The following RAPH1 variants were observed in gnomAD, a reference collection of about 807,000 sequenced individuals.
The protein encoded by RAPH1 is ras-associated and pleckstrin homology domains-containing protein 1.
A neutral mutation model predicts 88.1 loss-of-function variants in RAPH1; 18 were observed. The observed-to-expected ratio is 0.20, with a 90% CI of 0.14 to 0.30. The LOEUF is 0.30. RAPH1 is among the 10% of genes least tolerant of loss of function. The probability of loss-of-function intolerance (pLI) is 1.00; values close to 1 mark genes in which losing one functional copy is unlikely to be tolerated. For missense variants in RAPH1, 1,448 were observed against 1,543.2 expected (o/e 0.94, Z 1.03); for synonymous variants, 587 against 559.0 (o/e 1.05, Z -0.71).
intron 7 of RAPH1, among the ~76,000 whole-genome samples, chr2:203,459,585 C>T (rs1306863235): frequency 6.6e-6 from 1 of 152,188 alleles, no homozygotes; most frequent in Non-Finnish European, 1.5e-5. Flanking sequence ...ACCAAATAAA[C>T]AGCTGGGTTC....
chr2:203,448,786 A>G lies in RAPH1; in HGVS notation c.1464T>C (p.Asp488=). ...CCCACTGATGCAGTGTCCTCACATCATCACAACAAAGGTATTTGATATATT... is the reference window on the plus strand; with the variant it reads ...CCCACTGATGCAGTGTCCTCACATCGTCACAACAAAGGTATTTGATATATT... The part of the protein sequence containing the change: ...KSQYIKYLCC[D]DVRTLHQWVN... Residue 488 remains aspartate (D), a synonymous_variant, in exon 11 of 14, where the codon GAT becomes GAC. Transcript: ENST00000319170. The surrounding 1 kb of genome is among the most constrained non-coding windows in gnomAD (Gnocchi z 4.1). The G allele has an allele frequency of 6.2e-7, 1 of 1,612,312 alleles. No individual in the cohort carries two copies. Among genetic ancestry groups the G allele is most frequent in the Non-Finnish European group, 8.5e-7 (1 of 1,179,358 alleles).
At chr2:203,504,225 G>A (rs555668839) in intron 1 of RAPH1, among the ~76,000 whole-genome samples, 7 of 152,334 alleles carry the variant, frequency 4.6e-5, no homozygotes, top group African/African-American at 1.7e-4. Context: ...TCCCAGGAGA[G>A]GTTCTCCATG....
chr2:203,487,700 A>G (rs968367567), intron 4 of RAPH1, among the ~76,000 whole-genome samples: 1 of 152,140 alleles, frequency 6.6e-6, no homozygotes, highest in African/African-American at 2.4e-5. Flanking sequence ...ATCAGTTTTC[A>G]AGTTCTCTAT....
chr2:203,484,962 G>T (rs1205620271), intron 4 of RAPH1, among the ~76,000 whole-genome samples: 1 of 152,194 alleles, frequency 6.6e-6, no homozygotes, highest in African/African-American at 2.4e-5. Flanking sequence ...ATAGCTCATT[G>T]TAAGGGAAAG....
intron 1 of RAPH1, among the ~76,000 whole-genome samples, chr2:203,512,925 T>C (rs928306550): frequency 6.6e-6 from 1 of 152,060 alleles, no homozygotes; most frequent in Non-Finnish European, 1.5e-5. Flanking sequence ...CGCCCGGCCA[T>C]CCCTTAACAT....
At chr2:203,520,431 C>T (rs1447818659) in intron 1 of RAPH1, among the ~76,000 whole-genome samples, 1 of 151,770 alleles carries the variant, frequency 6.6e-6, no homozygotes, top group African/African-American at 2.4e-5. Context: ...AGATCGAAAC[C>T]AGCCTGGCCA....
intron 4 of RAPH1, among the ~76,000 whole-genome samples, chr2:203,472,165 C>T (rs998750739): frequency 8.6e-5 from 13 of 150,836 alleles, no homozygotes; most frequent in Non-Finnish European, 1.9e-4. Context: ...CAGAGTCTCC[C>T]TCTCTCACCC....
chr2:203,523,393 A>G (rs1356446800), intron 1 of RAPH1, among the ~76,000 whole-genome samples: 1 of 100,344 alleles, frequency 1.0e-5, no homozygotes, highest in Admixed American at 1.1e-4. Context: ...ACTCTGTCTC[A>G]AAAAAAAAAA....
chr2:203,445,779 C>T (rs2098508942), intron 12 of RAPH1: 1 of 152,052 alleles, frequency 6.6e-6, no homozygotes, highest in Admixed American at 6.6e-5. Flanking sequence ...GAACCATGTT[C>T]TGGAAGGGTT....
At chr2:203,447,141 A>G (rs1381560690) in intron 12 of RAPH1, 1 of 148,408 alleles carries the variant, frequency 6.7e-6, no homozygotes, top group Non-Finnish European at 1.5e-5. Context: ...GCAGCCCTAT[A>G]ATTTGCCATT....
rs1268540846 is a variant in RAPH1, at chr2:203,437,883, A to G, written c.*1554T>C. On this transcript the variant is annotated 3_prime_UTR_variant, in exon 14 of 14. Coordinates refer to ENST00000319170, the MANE Select transcript of RAPH1 (RefSeq NM_213589.3). ...TTTCATTACAAGATGTGCTCCCCTT[A>G]TAAGTGCTGGGATGGCCCATTTTTA... is the stretch of plus-strand genomic sequence containing the variant. 2 of 226,342 alleles carry G rather than the reference A, an allele frequency of 8.8e-6. No homozygotes were observed. Among genetic ancestry groups the G allele is most frequent in the Non-Finnish European group, 1.8e-5 (2 of 113,382 alleles). 14.0% of individuals were successfully genotyped at this position (226,342 alleles called of 1,614,324 possible).
At chr2:203,531,915 G>A (rs995818628) in intron 1 of RAPH1, among the ~76,000 whole-genome samples, 17 of 152,064 alleles carry the variant, frequency 1.1e-4, no homozygotes, top group Non-Finnish European at 2.5e-4. Context: ...AAAAAGAACC[G>A]AAAGGAGGGA....
intron 4 of RAPH1, among the ~76,000 whole-genome samples, chr2:203,468,642 G>A (rs2098530554): frequency 6.6e-6 from 1 of 152,120 alleles, no homozygotes; most frequent in African/African-American, 2.4e-5. Flanking sequence ...TGAGCTCGAG[G>A]GTGAGGAACA....
At chr2:203,498,156 C>G (rs1404060044) in intron 1 of RAPH1, among the ~76,000 whole-genome samples, 1 of 152,144 alleles carries the variant, frequency 6.6e-6, no homozygotes, top group Non-Finnish European at 1.5e-5. Context: ...CATTTTATAT[C>G]TCTTAAGTAC....
intron 1 of RAPH1, among the ~76,000 whole-genome samples, chr2:203,532,160 C>T (rs1233855605): frequency 6.6e-6 from 1 of 152,126 alleles, no homozygotes; most frequent in Non-Finnish European, 1.5e-5. Flanking sequence ...AAAGTTGTTA[C>T]TAGGAGGGTA....
At chr2:203,534,505 T>TCCCCCCCCCCCCCCCCCCCCCCC (rs1486665508) in intron 1 of RAPH1, among the ~76,000 whole-genome samples, 1 of 7,394 alleles carries the variant, frequency 1.4e-4, no homozygotes, top group African/African-American at 2.9e-4. Context: ...CCTCCCTCCG[T>TCCCCCCCCCCCCCCCCCCCCCCC]CCACCCCCCC....
Position 203,506,730 on chromosome 2 carries a change from A to ATATATATATC in RAPH1, c.1-11378_1-11377insGATATATATA, listed in dbSNP as rs1559493946. Reference sequence around the variant, plus strand: ...ATAATCCACTGACTAAAATCCATATATAGATATATATCTATATATATATAT... The same window carrying ATATATATATC: ...ATAATCCACTGACTAAAATCCATATATATATATATCTAGATATATATCTATATATATATAT... On this transcript the variant is annotated intron_variant, in intron 1 of 13. Coordinates refer to ENST00000319170, the MANE Select transcript of RAPH1 (RefSeq NM_213589.3). Among the ~76,000 whole-genome samples the ATATATATATC allele has an allele frequency of 9.9e-4, 127 of 128,776 alleles. 6 individuals carry two copies. The highest frequency in any genetic ancestry group is 3.8e-3 in the African/African-American group (104 of 27,164). The allele number at this position is 128,776 out of a possible 152,430, so 84.5% of individuals were successfully genotyped here.
rs1188674397 is a variant in RAPH1, at chr2:203,535,187, C to T, written c.-77G>A. The T allele has an allele frequency of 6.6e-6, 1 of 152,634 alleles. No individual in the cohort carries two copies. The highest frequency in any genetic ancestry group is 2.4e-5 in the African/African-American group (1 of 41,436). 9.5% of individuals were successfully genotyped at this position (152,634 alleles called of 1,614,324 possible). ...GCGCTCCTCCAGCCGCTGCCTCCGC[C>T]TCCTCCCCAGGCGCGGCGCTCCCTC... On this transcript the variant is annotated 5_prime_UTR_variant, in exon 1 of 14. Coordinates refer to ENST00000319170, the MANE Select transcript of RAPH1 (RefSeq NM_213589.3).
Position 203,489,835 on chromosome 2 carries a change from C to G in RAPH1, c.481G>C (p.Glu161Gln), listed in dbSNP as rs1559482096. The G allele has an allele frequency of 5.6e-6, 9 of 1,614,208 alleles. No homozygotes were observed. The highest frequency in any genetic ancestry group is 5.9e-6 in the Non-Finnish European group (7 of 1,180,034). Residue 161 changes from glutamate (E) to glutamine (Q), a missense_variant, in exon 4 of 14, where the codon GAA becomes CAA. By Grantham distance (29) the Glu-to-Gln change is conservative. Coordinates refer to ENST00000319170, the MANE Select transcript of RAPH1 (RefSeq NM_213589.3). ...TCATCCATACTCAAAGAGGCCTGTT[C>G]TAACTGTGCAGTGACGTCGTCCAAG... The part of the protein sequence containing the change: ...YSLDDVTAQL[E>Q]QASLSMDEAA...
Sources: allele counts gnomAD v4.1 joint callset (sites outside exome capture counted in the v4.1 genomes callset), GRCh38; gene constraint gnomAD v4.1.1; non-coding constraint Gnocchi (gnomAD v3.1); transcripts MANE v1.5; gene names NCBI Gene and HGNC (gene_info 2026-07-23, HGNC 2026-07-21).